Variants in ENPEP observed in about 807,000 individuals in gnomAD.
ENPEP encodes AP-A.
In ENPEP, 103 loss-of-function variants were observed where a neutral mutation model predicts 114.5. The observed-to-expected ratio is 0.90, with a 90% CI of 0.77 to 1.06. ENPEP has a LOEUF of 1.06. ENPEP is among the 50% of genes least tolerant of loss of function. The pLI is 0.00. For missense variants in ENPEP, 1,196 were observed against 1,161.3 expected (o/e 1.03, Z -0.43); for synonymous variants, 420 against 422.0 (o/e 1.00, Z 0.06).
rs1479008067 is a variant in ENPEP, at chr4:110,549,861, G to C, written c.2476G>C (p.Val826Leu). The C allele has an allele frequency of 3.1e-6, 5 of 1,611,104 alleles. No individual in the cohort carries two copies. The highest frequency in any genetic ancestry group is 3.4e-5 in the Admixed American group (2 of 59,340). ...KEKLLYGLASVKNVTLLSRYL... is the reference protein window; with the variant it reads ...KEKLLYGLASLKNVTLLSRYL... ...AAAACTGCTGTATGGATTAGCATCA[G>C]TGAAGAACGTTACTCTTTTGTCAAG... Residue 826 changes from valine (V) to leucine (L), a missense_variant, in exon 17 of 20, where the codon GTG becomes CTG. Val to Leu is a conservative substitution (Grantham distance 32). Transcript: ENST00000265162.
chr4:110,480,947 C>T (rs1372389642), intron 1 of ENPEP, among the ~76,000 whole-genome samples: 2 of 152,170 alleles, frequency 1.3e-5, no homozygotes, highest in Non-Finnish European at 2.9e-5. Flanking sequence ...TCCTTCTTCC[C>T]ATTTTCTCAC....
Position 110,476,614 on chromosome 4 carries a change from C to T in ENPEP, c.200C>T (p.Pro67Leu). 1 of 1,614,178 alleles carries T rather than the reference C, an allele frequency of 6.2e-7. No individual in the cohort carries two copies. The highest frequency in any genetic ancestry group is 8.5e-7 in the Non-Finnish European group (1 of 1,180,040). The change falls in exon 1 of 20, where the codon CCC (proline) becomes CTC (leucine). Residue 67 changes from proline to leucine, a missense_variant. Pro to Leu is a moderately conservative substitution (Grantham distance 98). Coordinates refer to ENST00000265162, the MANE Select transcript of ENPEP (RefSeq NM_001977.4). ...PSHLPSSTAS[P>L]SGPPAQDQDI... is the part of the protein sequence containing the mutation. ...CACCTGCCTTCTTCCACGGCCAGCC[C>T]CTCAGGTCCTCCTGCCCAGGACCAG...
chr4:110,482,167 A>G (rs1724334720), intron 1 of ENPEP, among the ~76,000 whole-genome samples: 1 of 152,208 alleles, frequency 6.6e-6, no homozygotes, highest in Admixed American at 6.5e-5. Context: ...TATGAAAGAT[A>G]TTGCAGCAAT....
chr4:110,557,662 C>A (rs1727525747), intron 18 of ENPEP, among the ~76,000 whole-genome samples: 1 of 152,150 alleles, frequency 6.6e-6, no homozygotes, highest in African/African-American at 2.4e-5. Context: ...CTGGGGAGAT[C>A]TAGGAAATGT....
intron 18 of ENPEP, among the ~76,000 whole-genome samples, chr4:110,557,919 T>C (rs1727534906): frequency 6.6e-6 from 1 of 152,152 alleles, no homozygotes; most frequent in South Asian, 2.1e-4. Flanking sequence ...TATTTCTCCC[T>C]GTTACCAATT....
intron 11 of ENPEP, among the ~76,000 whole-genome samples, chr4:110,536,256 T>C (rs1489217264): frequency 6.6e-6 from 1 of 152,196 alleles, no homozygotes; most frequent in Admixed American, 6.5e-5. Flanking sequence ...CAATAGTGGT[T>C]TGGTGCAATA....
chr4:110,562,490 G>A lies in ENPEP; in HGVS notation c.*932G>A, dbSNP rs1474661208. 2 of 152,072 alleles carry A rather than the reference G, an allele frequency of 1.3e-5. No individual in the cohort carries two copies. The highest frequency in any genetic ancestry group is 1.3e-4 in the Admixed American group (2 of 15,244). The allele number at this position is 152,072 out of a possible 1,614,324, so 9.4% of individuals were successfully genotyped here. The stretch of plus-strand genomic sequence containing the variant: ...GCAGATTATTTCTTAAAACTAAATG[G>A]AATTAGAATTTAGCTTTGACCTCAC... On this transcript the variant is annotated 3_prime_UTR_variant, in exon 20 of 20. Transcript: ENST00000265162.
intron 1 of ENPEP, among the ~76,000 whole-genome samples, chr4:110,478,808 T>C (rs1391683352): frequency 6.6e-6 from 1 of 152,236 alleles, no homozygotes; most frequent in East Asian, 1.9e-4. Context: ...AAACAAATTA[T>C]ATTGTTGAGC....
chr4:110,528,756 GC>G (rs1252402360), intron 10 of ENPEP, among the ~76,000 whole-genome samples: 1 of 152,142 alleles, frequency 6.6e-6, no homozygotes. Context: ...TCAGCTTGGT[GC>G]AATCAAAGTC....
chr4:110,482,963 C>T (rs1426526357), intron 1 of ENPEP, among the ~76,000 whole-genome samples: 3 of 152,078 alleles, frequency 2.0e-5, no homozygotes, highest in Non-Finnish European at 2.9e-5. Flanking sequence ...GAGTCAAGAT[C>T]GCGCCACTGC....
intron 10 of ENPEP, among the ~76,000 whole-genome samples, chr4:110,522,963 A>G (rs982821574): frequency 5.3e-5 from 8 of 152,288 alleles, no homozygotes; most frequent in Middle Eastern, 3.4e-3. Context: ...AGTGAAATAC[A>G]TGGGACACAG....
chr4:110,519,598 G>T, intron 8 of ENPEP: 1 of 180,022 alleles, frequency 5.6e-6, no homozygotes. Context: ...GCTTTACAGT[G>T]AATAATGTCC....
chr4:110,503,670 G>T (rs1016361409), intron 3 of ENPEP, among the ~76,000 whole-genome samples: 1 of 152,162 alleles, frequency 6.6e-6, no homozygotes, highest in Non-Finnish European at 1.5e-5. Flanking sequence ...TCTCATCTGT[G>T]TGGGCTGACT....
intron 8 of ENPEP, 142 bp from the exon 9 acceptor site, chr4:110,519,866 C>T (rs934794465): frequency 2.9e-5 from 18 of 617,642 alleles, no homozygotes; most frequent in Admixed American, 8.8e-5. Flanking sequence ...ATGCAACAGC[C>T]GTGCTCATTC....
chr4:110,543,382 T>G (rs1726926767), intron 13 of ENPEP, among the ~76,000 whole-genome samples: 1 of 152,076 alleles, frequency 6.6e-6, no homozygotes, highest in Non-Finnish European at 1.5e-5. Flanking sequence ...AAATGTACCT[T>G]CATAATTTGA....
At chr4:110,498,974 T>C (rs373129807) in intron 3 of ENPEP, among the ~76,000 whole-genome samples, 1 of 152,218 alleles carries the variant, frequency 6.6e-6, no homozygotes, top group East Asian at 1.9e-4. Context: ...CCTTCTGTTT[T>C]TATTGCTAAA....
intron 1 of ENPEP, among the ~76,000 whole-genome samples, chr4:110,485,320 C>T (rs1436913609): frequency 6.6e-6 from 1 of 152,122 alleles, no homozygotes; most frequent in Non-Finnish European, 1.5e-5. Flanking sequence ...ATTTCAGACT[C>T]ATAGGAAAGT....
At chr4:110,479,603 C>T (rs970453186) in intron 1 of ENPEP, among the ~76,000 whole-genome samples, 2 of 152,014 alleles carry the variant, frequency 1.3e-5, no homozygotes, top group Non-Finnish European at 2.9e-5. Context: ...TGTATGAAAG[C>T]GACTATTCCT....
At chr4:110,545,634 G>A (rs1727025687) in intron 13 of ENPEP, among the ~76,000 whole-genome samples, 1 of 152,004 alleles carries the variant, frequency 6.6e-6, no homozygotes, top group African/African-American at 2.4e-5. Context: ...AAATCCTGAT[G>A]TGCTGCCTAC....
Sources: allele counts gnomAD v4.1 joint callset (sites outside exome capture counted in the v4.1 genomes callset), GRCh38; gene constraint gnomAD v4.1.1; transcripts MANE v1.5; gene names NCBI Gene and HGNC (gene_info 2026-07-23, HGNC 2026-07-21).